The following GCNT1 variants were observed in gnomAD, a reference collection of about 807,000 sequenced individuals.
GCNT1 encodes the protein glucosaminyl (N-acetyl) transferase 1, also known as beta-1,3-galactosyl-O-glycosyl-glycoprotein beta-1,6-N-acetylglucosaminyltransferase.
GCNT1 carries 16 observed loss-of-function variants against 26.2 expected under a neutral mutation model. That is an observed-to-expected ratio of 0.61 (90% confidence interval 0.41 to 0.93). The LOEUF is 0.93. Ranked by LOEUF, GCNT1 falls within the 40% of genes least tolerant of loss-of-function variation. The probability of loss-of-function intolerance (pLI) is 0.00; values close to 1 mark genes in which losing one functional copy is unlikely to be tolerated. For missense variants in GCNT1, 477 were observed against 526.7 expected (o/e 0.91, Z 0.92); for synonymous variants, 183 against 190.8 (o/e 0.96, Z 0.34).
At chr9:76,492,373 A>G (rs1252261840) in intron 2 of GCNT1, among the ~76,000 whole-genome samples, 3 of 152,100 alleles carry the variant, frequency 2.0e-5, no homozygotes, top group South Asian at 2.1e-4. Context: ...TCTCCCAATT[A>G]CAACTGAGGA....
chr9:76,503,443 C>G lies in GCNT1; in HGVS notation c.1062C>G (p.Val354=). Residue 354 remains valine, a synonymous_variant, in exon 4 of 4, where the codon GTC becomes GTG. Coordinates refer to ENST00000376730, the MANE Select transcript of GCNT1 (RefSeq NM_001490.5). The part of the protein sequence containing the change: ...LSDMQAVARF[V]KWQYFEGDVS... ...ACATGCAAGCAGTTGCCAGGTTTGTCAAGTGGCAGTACTTTGAGGGTGATG... is the reference window on the plus strand; with the variant it reads ...ACATGCAAGCAGTTGCCAGGTTTGTGAAGTGGCAGTACTTTGAGGGTGATG... 6.2e-7 allele frequency: 1 copy of G among 1,614,136 alleles called. No individual in the cohort carries two copies. Among genetic ancestry groups the G allele is most frequent in the Non-Finnish European group, 8.5e-7 (1 of 1,180,000 alleles).
At chr9:76,499,921 A>C (rs1290972505) in intron 2 of GCNT1, among the ~76,000 whole-genome samples, 3 of 152,146 alleles carry the variant, frequency 2.0e-5, no homozygotes, top group Non-Finnish European at 4.4e-5. Flanking sequence ...TGTGTTGTAC[A>C]TTCTATTTCT....
At chr9:76,416,654 G>T (rs564944384), upstream of GCNT1, among the ~76,000 whole-genome samples, 3 of 152,308 alleles carry the variant, frequency 2.0e-5, no homozygotes, top group African/African-American at 7.2e-5. Flanking sequence ...GGGATCCAGG[G>T]AACTCTCCAG....
At chr9:76,430,613 T>A (rs1171595500) in intron 1 of GCNT1, among the ~76,000 whole-genome samples, 1 of 152,114 alleles carries the variant, frequency 6.6e-6, no homozygotes, top group African/African-American at 2.4e-5. Flanking sequence ...CATGAACTCC[T>A]GAGCTCAAGC....
intron 1 of GCNT1, among the ~76,000 whole-genome samples, chr9:76,428,447 A>G (rs1823289218): frequency 6.6e-6 from 1 of 151,950 alleles, no homozygotes; most frequent in African/African-American, 2.4e-5. Flanking sequence ...ATAAATGAGA[A>G]TAATATGAAT....
upstream of GCNT1, among the ~76,000 whole-genome samples, chr9:76,441,058 C>T (rs1169243090): frequency 2.1e-5 from 2 of 96,866 alleles, no homozygotes; most frequent in Non-Finnish European, 5.3e-5. Flanking sequence ...AAGAGAGACT[C>T]CATCTCAAAA....
chr9:76,458,612 C>G (rs1295615104), upstream of GCNT1, among the ~76,000 whole-genome samples: 1 of 152,188 alleles, frequency 6.6e-6, no homozygotes, highest in Non-Finnish European at 1.5e-5. Flanking sequence ...ACTTTTATAA[C>G]TGACACAAAG....
At chr9:76,407,021 G>A in the GCNT1 span, among the ~76,000 whole-genome samples, 2 of 152,270 alleles carry the variant, frequency 1.3e-5, no homozygotes, top group South Asian at 4.1e-4. Flanking sequence ...AGCCTGGGCA[G>A]CAGAGAAAGA....
At chr9:76,496,026 C>T (rs188267994) in intron 2 of GCNT1, among the ~76,000 whole-genome samples, 120 of 152,152 alleles carry the variant, frequency 7.9e-4, no homozygotes, top group African/African-American at 2.7e-3. Flanking sequence ...GCTTGGATTC[C>T]CCAGTAAAAA....
At chr9:76,458,684 A>G (rs1188268368), upstream of GCNT1, among the ~76,000 whole-genome samples, 2 of 152,140 alleles carry the variant, frequency 1.3e-5, no homozygotes, top group African/African-American at 4.8e-5. Context: ...GGATTGTTCC[A>G]CAGTTTAATT....
At chr9:76,465,372 C>T (rs747892265) in intron 2 of GCNT1, among the ~76,000 whole-genome samples, 41 of 152,260 alleles carry the variant, frequency 2.7e-4, no homozygotes, top group Middle Eastern at 3.4e-3. Flanking sequence ...GATCCTCTCA[C>T]CTCGGCCTCC....
the GCNT1 span, among the ~76,000 whole-genome samples, chr9:76,406,607 A>G: frequency 6.6e-6 from 1 of 152,048 alleles, no homozygotes; most frequent in Non-Finnish European, 1.5e-5. Context: ...AGGCTGAGGC[A>G]GGAGAATTGC....
rs187808367 is a variant in GCNT1 at position 76,425,276 on chromosome 9, G to A, written n.38+5389G>A. Among the ~76,000 whole-genome samples the A allele has an allele frequency of 2.6e-3, 398 of 151,928 alleles. 1 individual carries two copies. Among genetic ancestry groups the A allele is most frequent in the African/African-American group, 9.2e-3 (383 of 41,458 alleles). On this transcript the variant is annotated intron_variant and non_coding_transcript_variant, in intron 1 of 3. Coordinates refer to the GCNT1 transcript ENST00000488136. ...TCACTCTTGTTGCCCAGGCTGGAGT[G>A]CAATGGCACGATCTTGGCTCACTGC... is the stretch of plus-strand genomic sequence containing the variant.
intron 1 of GCNT1, among the ~76,000 whole-genome samples, chr9:76,428,292 T>TAAAAAAAA (rs1279001629): frequency 2.9e-4 from 25 of 85,882 alleles, no homozygotes; most frequent in Non-Finnish European, 4.6e-4. Flanking sequence ...AAAAAAAACT[T>TAAAAAAAA]AAAAAAAAAA....
chr9:76,424,648 G>A (rs1002720933), intron 1 of GCNT1, among the ~76,000 whole-genome samples: 9 of 152,322 alleles, frequency 5.9e-5, no homozygotes, highest in East Asian at 5.8e-4. Context: ...CACAGAGCAC[G>A]CTGAGTAATA....
chr9:76,416,608 G>A (rs1007259300), upstream of GCNT1, among the ~76,000 whole-genome samples: 1 of 152,230 alleles, frequency 6.6e-6, no homozygotes, highest in African/African-American at 2.4e-5. Flanking sequence ...GGGGGGCTGA[G>A]TAAGCGAACC....
rs767852982 is a variant in GCNT1 at position 76,502,777 on chromosome 9, G to C, written c.396G>C (p.Lys132Asn). Residue 132 changes from lysine (K) to asparagine (N), a missense_variant, in exon 4 of 4, where the codon AAG (lysine) becomes AAC (asparagine). Coordinates refer to ENST00000376730, the MANE Select transcript of GCNT1 (RefSeq NM_001490.5). Reference sequence around the variant, plus strand: ...CATATTCTATAGTGGTTCATCACAAGATTGAAATGCTTGACAGGCTGCTGA... The same window carrying C: ...CATATTCTATAGTGGTTCATCACAACATTGAAATGCTTGACAGGCTGCTGA... ...PIAYSIVVHH[K>N]IEMLDRLLRA... is the part of the protein sequence containing the mutation. 6.2e-7 allele frequency: 1 copy of C among 1,614,186 alleles called. No homozygotes were observed. The highest frequency in any genetic ancestry group is 8.5e-7 in the Non-Finnish European group (1 of 1,180,026).
rs142834264 is a variant in GCNT1 at position 76,503,943 on chromosome 9, C to T, written c.*275C>T. ...GCAAGGCATTGTGGAAAGAGGGGAC[C>T]AGGGTGGCTGGGGAAGAGGCCGATG... On this transcript the variant is annotated 3_prime_UTR_variant, in exon 4 of 4. Coordinates refer to ENST00000376730, the MANE Select transcript of GCNT1 (RefSeq NM_001490.5). 287 of 443,586 alleles carry T rather than the reference C, an allele frequency of 6.5e-4. No homozygotes were observed. Among genetic ancestry groups the T allele is most frequent in the African/African-American group, 5.3e-3 (265 of 50,446 alleles). The allele number at this position is 443,586 out of a possible 1,614,324, so 27.5% of individuals were successfully genotyped here.
At chr9:76,465,006 C>T (rs750570840) in intron 2 of GCNT1, among the ~76,000 whole-genome samples, 22 of 151,940 alleles carry the variant, frequency 1.4e-4, no homozygotes, top group Non-Finnish European at 2.4e-4. Flanking sequence ...GACAGTCTTG[C>T]TATGTTGCTC....
Sources: allele counts gnomAD v4.1 joint callset (sites outside exome capture counted in the v4.1 genomes callset), GRCh38; gene constraint gnomAD v4.1.1; transcripts MANE v1.5; gene names NCBI Gene and HGNC (gene_info 2026-07-23, HGNC 2026-07-21).